The following BRD1 variants were observed in gnomAD, a reference collection of about 807,000 sequenced individuals.
The protein encoded by BRD1 is bromodomain containing 1.
In BRD1, 24 loss-of-function variants were observed where a neutral mutation model predicts 107.7. The observed-to-expected ratio is 0.22, with a 90% confidence interval of 0.16 to 0.31. BRD1 has a LOEUF of 0.31. Ranked by LOEUF, BRD1 falls within the 10% of genes least tolerant of loss-of-function variation. The pLI, the probability that BRD1 is intolerant of heterozygous loss-of-function variation, is 1.00. For missense variants in BRD1, 1,279 were observed against 1,638.6 expected, an observed-to-expected ratio of 0.78 and a Z score of 3.79; for synonymous variants, 744 against 686.1, an observed-to-expected ratio of 1.08 and a Z score of -1.32.
At position 49,810,989 on chromosome 22, in the gene BRD1, A is replaced by G. The variant is rs139683490; in HGVS notation, c.1368-6629T>C. Among the ~76,000 whole-genome samples the G allele has an allele frequency of 1.9e-4, 29 of 152,366 alleles. No individual in the cohort carries two copies. The East Asian group carries it at 5.4e-3, about 28-fold the overall frequency. On this transcript the variant is annotated intron_variant, in intron 2 of 12. Coordinates refer to ENST00000404760, the MANE Select transcript of BRD1 (RefSeq NM_001304808.3). Reference sequence around the variant, plus strand: ...GTTCATAATAGCTCCAAAGTAGGAAAAAAACAAACATCCATCAAAAGATGA... The same window carrying G: ...GTTCATAATAGCTCCAAAGTAGGAAGAAAACAAACATCCATCAAAAGATGA...
chr22:49,786,308 C>T (rs549010341), intron 8 of BRD1, among the ~76,000 whole-genome samples: 17 of 152,160 alleles, frequency 1.1e-4, no homozygotes, highest in Admixed American at 7.9e-4. Context: ...AGAAGCAAAC[C>T]GATGACAGCT....
chr22:49,816,020 G>A (rs903814229), intron 2 of BRD1, among the ~76,000 whole-genome samples: 2 of 149,524 alleles, frequency 1.3e-5, no homozygotes, highest in African/African-American at 4.9e-5. Context: ...AGGGCCTCCC[G>A]GTGCCACCCG....
At position 49,777,699 on chromosome 22, in the gene BRD1, T is replaced by C. The variant is rs778785290; in HGVS notation, c.2972A>G (p.Asn991Ser). Residue 991 changes from asparagine (N) to serine (S), a missense_variant, in exon 9 of 13, where the codon AAC (asparagine) becomes AGC (serine). By Grantham distance (46) the Asn-to-Ser change is conservative. This residue lies in a region of BRD1 where 263 missense variants were observed against 251.6 expected (regional missense o/e 1.05). Transcript: ENST00000404760. Reference protein sequence around the residue: ...CASESSISSSNSPLCDSSFNA... With the variant: ...CASESSISSSSSPLCDSSFNA... ...CCACCTCGAGTCGCAGAGCGGGCTGTTGCTGGAGGAGATGCTGGACTCGGA... is the reference window on the plus strand; with the variant it reads ...CCACCTCGAGTCGCAGAGCGGGCTGCTGCTGGAGGAGATGCTGGACTCGGA... 3 of 1,608,280 alleles carry C rather than the reference T, an allele frequency of 1.9e-6. No individual in the cohort carries two copies. In the African/African-American group the frequency reaches 4.0e-5, roughly 21 times the overall value.
chr22:49,785,942 G>A (rs1227855776), intron 8 of BRD1, among the ~76,000 whole-genome samples: 1 of 152,156 alleles, frequency 6.6e-6, no homozygotes, highest in Non-Finnish European at 1.5e-5. Flanking sequence ...AAGGAACAGG[G>A]ACAAGATGTG....
chr22:49,813,409 A>G (rs2059890324), intron 2 of BRD1, among the ~76,000 whole-genome samples: 1 of 151,692 alleles, frequency 6.6e-6, no homozygotes, highest in African/African-American at 2.4e-5. Flanking sequence ...TTTTTAGTAG[A>G]GACGGGGTTT....
chr22:49,819,467 C>T (rs1029143099), intron 2 of BRD1, among the ~76,000 whole-genome samples: 4 of 152,028 alleles, frequency 2.6e-5, no homozygotes, highest in African/African-American at 9.7e-5. Flanking sequence ...GTGGGGGAGT[C>T]GCTTGAGCCC....
chr22:49,795,147 T>C (rs928064719), intron 6 of BRD1, among the ~76,000 whole-genome samples: 1 of 152,214 alleles, frequency 6.6e-6, no homozygotes, highest in African/African-American at 2.4e-5. Flanking sequence ...CTCGTATCCA[T>C]AACATCACTC....
At chr22:49,784,773 C>A (rs905478760) in intron 8 of BRD1, among the ~76,000 whole-genome samples, 1 of 152,190 alleles carries the variant, frequency 6.6e-6, no homozygotes, top group Non-Finnish European at 1.5e-5. Flanking sequence ...GAAACCAAAG[C>A]GAGGGCGGAT....
At chr22:49,793,624 C>T (rs1246939246) in intron 7 of BRD1, among the ~76,000 whole-genome samples, 12 of 152,140 alleles carry the variant, frequency 7.9e-5, no homozygotes, top group Admixed American at 7.9e-4. Flanking sequence ...GATGGCCTAG[C>T]GCACAATTAA....
intron 2 of BRD1, among the ~76,000 whole-genome samples, chr22:49,820,038 G>A (rs2060034874): frequency 6.6e-6 from 1 of 151,896 alleles, no homozygotes; most frequent in African/African-American, 2.4e-5. Context: ...GCTGAGGCAG[G>A]AGAATCACTT....
chr22:49,791,217 G>A (rs2059427156), intron 7 of BRD1, among the ~76,000 whole-genome samples: 1 of 152,230 alleles, frequency 6.6e-6, no homozygotes. Flanking sequence ...CACAGCAACA[G>A]CCCGAACCTC....
chr22:49,786,388 C>T (rs182914539), intron 8 of BRD1, among the ~76,000 whole-genome samples: 11 of 152,214 alleles, frequency 7.2e-5, no homozygotes, highest in African/African-American at 9.6e-5. Flanking sequence ...AGGAACACAG[C>T]GGCCTCCTCA....
chr22:49,775,824 C>CGCCGCCCCCCGCAGCTGTGTGA, intron 11 of BRD1, 79 bp from the exon 12 acceptor site: 2 of 1,281,046 alleles, frequency 1.6e-6, no homozygotes, highest in Admixed American at 4.8e-5. Context: ...CACCCCCCCC[C>CGCCGCCCCCCGCAGCTGTGTGA]GCCTCCCCAC....
intron 8 of BRD1, among the ~76,000 whole-genome samples, chr22:49,785,781 C>G (rs1235260757): frequency 1.3e-5 from 2 of 152,192 alleles, no homozygotes; most frequent in African/African-American, 2.4e-5. Flanking sequence ...TCATACAAAT[C>G]AAAATGAAAT....
Position 49,823,514 on chromosome 22 carries a change from G to A in BRD1, c.804C>T (p.Pro268=), listed in dbSNP as rs776073916. 1.3e-4 allele frequency: 201 copies of A among 1,602,148 alleles called. No individual in the cohort carries two copies. The highest frequency in any genetic ancestry group is 1.6e-4 in the Non-Finnish European group (193 of 1,174,370). The part of the protein sequence containing the change: ...CRHCLQSRAR[P]ADCVLCPNKG... The stretch of plus-strand genomic sequence containing the variant: ...TGTTGGGGCACAGCACACAGTCGGC[G>A]GGCCGGGCCCGCGACTGCAGGCAGT... The change falls in exon 2 of 13, where the codon CCC becomes CCT. Residue 268 remains proline (P), a synonymous_variant. Transcript: ENST00000404760.
At chr22:49,804,919 T>C (rs1324380037) in intron 2 of BRD1, among the ~76,000 whole-genome samples, 2 of 152,166 alleles carry the variant, frequency 1.3e-5, no homozygotes, top group Non-Finnish European at 2.9e-5. Context: ...AGATTGAATA[T>C]CCAAAAAGAA....
rs147597700 is a variant in BRD1 at position 49,796,033 on chromosome 22, C to A, written c.2099-1739G>T. 2.5e-3 allele frequency among the ~76,000 whole-genome samples: 387 copies of A among 152,192 alleles called. 1 individual carries two copies. The highest frequency in any genetic ancestry group is 8.8e-3 in the African/African-American group (366 of 41,532). ...ATTTTCTAAATTTCTCCAAGAAAAA[C>A]GTGTTACTCTTAAAATCAGAAAATC... is the stretch of plus-strand genomic sequence containing the variant. On this transcript the variant is annotated intron_variant, in intron 6 of 12. Transcript: ENST00000404760.
At position 49,809,738 on chromosome 22, in the gene BRD1, T is replaced by C. The variant is rs139890423; in HGVS notation, c.1368-5378A>G. On this transcript the variant is annotated intron_variant, in intron 2 of 12. Transcript: ENST00000404760. ...GGCTATGAGGGCTACTGGACCATGA[T>C]CGAAGGAAGTGACCAAATTCCAAAT... Among the ~76,000 whole-genome samples, 568 of 152,116 alleles carry C rather than the reference T, an allele frequency of 3.7e-3. 3 individuals are homozygous for C. The highest frequency in any genetic ancestry group is 0.013 in the African/African-American group (552 of 41,484).
chr22:49,819,951 G>A (rs1408366461), intron 2 of BRD1, among the ~76,000 whole-genome samples: 4 of 151,560 alleles, frequency 2.6e-5, no homozygotes, highest in African/African-American at 7.3e-5. Flanking sequence ...CCAACATGGT[G>A]AAACCCCGTC....
Sources: allele counts gnomAD v4.1 joint callset (sites outside exome capture counted in the v4.1 genomes callset), GRCh38; gene constraint gnomAD v4.1.1; regional missense constraint gnomAD v4.1.1; transcripts MANE v1.5; gene names NCBI Gene and HGNC (gene_info 2026-07-23, HGNC 2026-07-21).